The following VPS39 variants were observed in gnomAD, a reference collection of about 807,000 sequenced individuals.
VPS39 encodes VPS39 subunit of HOPS complex.
A neutral mutation model predicts 121.0 loss-of-function variants in VPS39; 70 were observed. The ratio of observed to expected loss-of-function variants is 0.58; its 90% confidence interval spans 0.48 to 0.71. VPS39 has a LOEUF of 0.71. VPS39 is among the 30% of genes least tolerant of loss of function. The pLI, the probability that VPS39 is intolerant of heterozygous loss-of-function variation, is 0.00. For synonymous variants in VPS39, 378 were observed against 398.1 expected, an observed-to-expected ratio of 0.95 and a Z score of 0.60; for missense variants, 818 against 1,051.5, an observed-to-expected ratio of 0.78 and a Z score of 3.07.
intron 1 of VPS39, among the ~76,000 whole-genome samples, chr15:42,202,887 C>T (rs1294690922): frequency 6.6e-6 from 1 of 152,172 alleles, no homozygotes; most frequent in African/African-American, 2.4e-5. Flanking sequence ...TGCTGTCACA[C>T]TGGGGCTTAA....
chr15:42,192,153 C>A, intron 2 of VPS39: 2 of 1,528,224 alleles, frequency 1.3e-6, no homozygotes, highest in Middle Eastern at 3.3e-4. Context: ...TGAATTCAGC[C>A]TTGCTGGGGA....
At chr15:42,205,566 G>T (rs777573815) in intron 1 of VPS39, among the ~76,000 whole-genome samples, 6 of 152,250 alleles carry the variant, frequency 3.9e-5, no homozygotes, top group Non-Finnish European at 8.8e-5. Flanking sequence ...GTACACAGAA[G>T]ACAGGGAAGA....
chr15:42,162,668 T>C, intron 21 of VPS39, 187 bp from the exon 22 acceptor site: 2 of 610,698 alleles, frequency 3.3e-6, no homozygotes, highest in Middle Eastern at 4.9e-4. Flanking sequence ...TAATTAAGGA[T>C]TGCTTTTTCC....
intron 2 of VPS39, chr15:42,192,112 G>A: frequency 6.5e-7 from 1 of 1,536,244 alleles, no homozygotes; most frequent in South Asian, 1.2e-5. Flanking sequence ...TTACAAAAAA[G>A]GGGAAGAAAG....
intron 1 of VPS39, among the ~76,000 whole-genome samples, chr15:42,203,708 T>C (rs2050114324): frequency 6.6e-6 from 1 of 152,306 alleles, no homozygotes; most frequent in African/African-American, 2.4e-5. Flanking sequence ...ATCAATCCGA[T>C]GGATTAAATT....
At chr15:42,176,007 T>G (rs1329006152) in intron 10 of VPS39, among the ~76,000 whole-genome samples, 1 of 152,170 alleles carries the variant, frequency 6.6e-6, no homozygotes, top group Non-Finnish European at 1.5e-5. Flanking sequence ...AGTTTGTAAT[T>G]TCCCTCTGAA....
chr15:42,191,312 G>T, intron 3 of VPS39, 145 bp from the exon 4 acceptor site: 1 of 1,138,906 alleles, frequency 8.8e-7, no homozygotes, highest in Non-Finnish European at 1.3e-6. Context: ...TATAATTTCT[G>T]TGATTATCAT....
At chr15:42,196,048 C>A (rs895680994) in intron 2 of VPS39, among the ~76,000 whole-genome samples, 1 of 152,078 alleles carries the variant, frequency 6.6e-6, no homozygotes, top group African/African-American at 2.4e-5. Context: ...TTTGACAAAC[C>A]TGACAAAAAC....
At chr15:42,167,683 G>T in intron 12 of VPS39, 146 bp from the exon 13 acceptor site, 2 of 999,696 alleles carry the variant, frequency 2.0e-6, no homozygotes, top group Non-Finnish European at 1.5e-6. Flanking sequence ...CTGCCAAATT[G>T]CCACAGAGAC....
At chr15:42,178,162 A>T in intron 10 of VPS39, 56 bp downstream of exon 10, 1 of 1,606,622 alleles carries the variant, frequency 6.2e-7, no homozygotes, top group African/African-American at 1.3e-5. Flanking sequence ...TTGAAACCCA[A>T]ATCACCTACT....
Position 42,160,043 on chromosome 15 carries a change from G to C in VPS39, c.*711C>G, listed in dbSNP as rs567285385. 6.6e-6 allele frequency: 1 copy of C among 152,468 alleles called. No homozygotes were observed. Among genetic ancestry groups the C allele is most frequent in the African/African-American group, 2.4e-5 (1 of 41,580 alleles). 9.4% of individuals were successfully genotyped at this position (152,468 alleles called of 1,614,324 possible). A position where few individuals can be genotyped will look rare whatever the true frequency, so the allele number is the denominator to read the frequency against. ...GGCATGGAGTGTATGGCCAAAGAGG[G>C]TCTATTTACAACATACCTGACAATC... On this transcript the variant is annotated 3_prime_UTR_variant, in exon 25 of 25. Transcript: ENST00000318006.
chr15:42,178,310 G>A lies in VPS39; in HGVS notation c.868C>T (p.His290Tyr). ...GSNIIYVASN[H>Y]FVWRLIPVPM... Reference sequence around the variant, plus strand: ...ACAGGGATGAGTCTCCAAACAAAATGATTGCTGGCCACATAGATAATGTTT... The same window carrying A: ...ACAGGGATGAGTCTCCAAACAAAATAATTGCTGGCCACATAGATAATGTTT... Residue 290 changes from histidine to tyrosine, a missense_variant, in exon 10 of 25, where the codon CAT (histidine) becomes TAT (tyrosine). Transcript: ENST00000318006. The A allele has an allele frequency of 6.2e-7, 1 of 1,614,160 alleles. No individual in the cohort carries two copies. The highest frequency in any genetic ancestry group is 1.7e-5 in the Admixed American group (1 of 60,020).
chr15:42,162,160 T>C lies in VPS39; in HGVS notation c.2332A>G (p.Asn778Asp). 2 of 1,614,154 alleles carry C rather than the reference T, an allele frequency of 1.2e-6. No individual in the cohort carries two copies. The highest frequency in any genetic ancestry group is 1.7e-6 in the Non-Finnish European group (2 of 1,180,030). The change falls in exon 23 of 25, where the codon AAC becomes GAC. Residue 778 changes from asparagine (N) to aspartate (D), a missense_variant. By Grantham distance (23) the Asn-to-Asp change is conservative. Coordinates refer to ENST00000318006, the MANE Select transcript of VPS39 (RefSeq NM_015289.5). The part of the protein sequence containing the change: ...HSKLDTTKAL[N>D]LLPANTQIND... ...ATCTGAGTGTTTGCTGGCAGAAGGT[T>C]GAGGGCCTAGGGACAGGAACAGAGA... is the stretch of plus-strand genomic sequence containing the variant.
rs1186112460 is a variant in VPS39, at chr15:42,184,666, G to A, written c.569C>T (p.Pro190Leu). ...DGKGSIKELFPTGKQLEPLVA... is the reference protein window; with the variant it reads ...DGKGSIKELFLTGKQLEPLVA... ...TAAGGGCTCCAGCTGTTTTCCTGTTGGAAAGAGCTCTTTGATGGACCCCTT... is the reference window on the plus strand; with the variant it reads ...TAAGGGCTCCAGCTGTTTTCCTGTTAGAAAGAGCTCTTTGATGGACCCCTT... The change falls in exon 8 of 25, where the codon CCA becomes CTA. Residue 190 changes from proline to leucine, a missense_variant. Pro to Leu is a moderately conservative substitution (Grantham distance 98). Coordinates refer to ENST00000318006, the MANE Select transcript of VPS39 (RefSeq NM_015289.5). The A allele has an allele frequency of 3.1e-6, 5 of 1,613,620 alleles. No individual in the cohort carries two copies. The highest frequency in any genetic ancestry group is 2.7e-5 in the African/African-American group (2 of 74,866).
At chr15:42,164,834 T>C (rs1595639354) in intron 18 of VPS39, 162 bp downstream of exon 18, 5 of 1,442,846 alleles carry the variant, frequency 3.5e-6, no homozygotes, top group Middle Eastern at 2.6e-4. Context: ...CTGAGTCTCA[T>C]GTGCCAGGCT....
rs534946262 is a variant in VPS39, at chr15:42,199,198, G to A, written c.139+698C>T. Among the ~76,000 whole-genome samples the A allele has an allele frequency of 4.4e-4, 67 of 152,236 alleles. 1 individual carries two copies. Among genetic ancestry groups the A allele is most frequent in the South Asian group, 2.1e-4 (1 of 4,822 alleles). On this transcript the variant is annotated intron_variant, in intron 2 of 24. Transcript: ENST00000318006. ...TTCTCCATAAAGAGAGCACAGAAACGAAAACAAGGAAGGGCAGTGAGGTAC... is the reference window on the plus strand; with the variant it reads ...TTCTCCATAAAGAGAGCACAGAAACAAAAACAAGGAAGGGCAGTGAGGTAC...
chr15:42,200,823 G>A (rs149133418), intron 1 of VPS39, among the ~76,000 whole-genome samples: 44 of 152,156 alleles, frequency 2.9e-4, no homozygotes, highest in African/African-American at 1.0e-3. Flanking sequence ...ACTGATGAAC[G>A]GATAAACAAA....
At position 42,208,175 on chromosome 15, in the gene VPS39, A is replaced by G. The variant is rs1408142344; in HGVS notation, c.-22T>C. On this transcript the variant is annotated 5_prime_UTR_variant, in exon 1 of 25. Transcript: ENST00000318006. ...GCATGGCGGCAAGGGGAGAGTTGCC[A>G]CCGCCGTCTCGCCCAGAGTGTTCCG... is the stretch of plus-strand genomic sequence containing the variant. 4 of 1,559,336 alleles carry G rather than the reference A, an allele frequency of 2.6e-6. No individual in the cohort carries two copies. The highest frequency in any genetic ancestry group is 3.5e-6 in the Non-Finnish European group (4 of 1,151,754).
intron 1 of VPS39, among the ~76,000 whole-genome samples, chr15:42,204,611 C>A (rs565971240): frequency 3.9e-5 from 6 of 152,194 alleles, no homozygotes; most frequent in African/African-American, 1.4e-4. Context: ...GATTGCACCA[C>A]TGCACTTCAG....
Sources: gnomAD v4.1 joint callset for allele counts (sites outside exome capture counted in the v4.1 genomes callset) on GRCh38, gnomAD v4.1.1 for gene constraint, MANE v1.5 for transcripts, NCBI Gene and HGNC (gene_info 2026-07-23, HGNC 2026-07-21) for gene names.